The following CCNB2 variants were observed in gnomAD, a reference collection of about 807,000 sequenced individuals.
The protein encoded by CCNB2 is G2/mitotic-specific cyclin-B2.
Under a neutral mutation model 51.1 loss-of-function variants are expected in CCNB2, and 39 were observed. The observed-to-expected ratio is 0.76, with a 90% CI of 0.59 to 1.00. The LOEUF (loss-of-function observed/expected upper bound fraction) is 1.00, where lower values mean the gene tolerates loss of function less well. Ranked by LOEUF, CCNB2 falls within the 50% of genes least tolerant of loss-of-function variation. The pLI is 0.00. For missense variants in CCNB2, 472 were observed against 470.3 expected (o/e 1.00, Z -0.03); for synonymous variants, 174 against 165.5 (o/e 1.05, Z -0.40).
At chr15:59,110,389 C>A (rs28383515) in intron 3 of CCNB2, among the ~76,000 whole-genome samples, 1,636 of 152,316 alleles carry the variant, frequency 0.011, 25 homozygotes, top group Middle Eastern at 0.044. Context: ...AAATACATTT[C>A]CCTCTGAGAA....
chr15:59,114,053 A>G (rs1398002058), intron 3 of CCNB2, among the ~76,000 whole-genome samples: 1 of 152,202 alleles, frequency 6.6e-6, no homozygotes, highest in East Asian at 1.9e-4. Context: ...TGTAACATTT[A>G]AGTAAAACTT....
intron 7 of CCNB2, among the ~76,000 whole-genome samples, chr15:59,119,233 G>T (rs1366890174): frequency 6.6e-6 from 1 of 152,126 alleles, no homozygotes; most frequent in Non-Finnish European, 1.5e-5. Context: ...ACAGAGGAAA[G>T]AATTAATTTA....
rs769398076 is a variant in CCNB2 at position 59,124,757 on chromosome 15, A to C, written c.1087-10A>C. The C allele has an allele frequency of 1.3e-6, 2 of 1,598,940 alleles. No homozygotes were observed. The highest frequency in any genetic ancestry group is 1.7e-6 in the Non-Finnish European group (2 of 1,166,240). On this transcript the variant is annotated splice_polypyrimidine_tract_variant and intron_variant, in intron 8 of 8. Coordinates refer to ENST00000288207, the MANE Select transcript of CCNB2 (RefSeq NM_004701.4). ...CCTGACATGTGCTTAATCACAAATG[A>C]CTTCTGCAGGCCATCAAGAATAAGT...
intron 2 of CCNB2, 46 bp from the exon 3 acceptor site, chr15:59,107,511 A>C: frequency 1.2e-6 from 2 of 1,613,642 alleles, no homozygotes; most frequent in Non-Finnish European, 1.7e-6. Context: ...GCTGAGTCCC[A>C]CAACGCTGGC....
chr15:59,112,812 A>T (rs549641931), intron 3 of CCNB2, among the ~76,000 whole-genome samples: 66 of 151,776 alleles, frequency 4.3e-4, no homozygotes, highest in African/African-American at 1.5e-3. Flanking sequence ...AGGTGGGCGG[A>T]TCACAAGGTC....
chr15:59,121,405 C>T (rs1227284993), intron 7 of CCNB2: 1 of 152,192 alleles, frequency 6.6e-6, no homozygotes, highest in Non-Finnish European at 1.5e-5. Context: ...GTGCTTCGCT[C>T]TCCCAGTTTT....
At chr15:59,116,284 G>A (rs763645109) in intron 5 of CCNB2, among the ~76,000 whole-genome samples, 2 of 152,106 alleles carry the variant, frequency 1.3e-5, no homozygotes, top group Non-Finnish European at 2.9e-5. Flanking sequence ...TGTCAGGCCA[G>A]GGCTGCCACA....
In CCNB2 at chr15:59,114,492, T is replaced by A; in HGVS notation, c.316T>A (p.Cys106Ser). The A allele has an allele frequency of 1.2e-6, 2 of 1,613,334 alleles. No individual in the cohort carries two copies. Among genetic ancestry groups the A allele is most frequent in the Non-Finnish European group, 1.7e-6 (2 of 1,179,708 alleles). The part of the protein sequence containing the change: ...EDVSMKEENL[C>S]QAFSDALLCK... ...TGTCTCCATGAAGGAAGAGAATCTC[T>A]GCCAAGCTTTTTCTGATGCCTTGCT... The change falls in exon 4 of 9, where the codon TGC becomes AGC. Residue 106 changes from cysteine (C) to serine (S), a missense_variant. Physicochemically the swap from Cys to Ser is moderately radical, Grantham distance 112. Transcript: ENST00000288207.
chr15:59,114,533 C>T lies in CCNB2; in HGVS notation c.357C>T (p.Asp119=). ...ATGCCTTGCTCTGCAAAATCGAGGACATTGATAACGAAGATTGGGAGAACC... is the reference window on the plus strand; with the variant it reads ...ATGCCTTGCTCTGCAAAATCGAGGATATTGATAACGAAGATTGGGAGAACC... ...FSDALLCKIE[D]IDNEDWENPQ... is the part of the protein sequence containing the mutation. Residue 119 remains aspartate, a synonymous_variant, in exon 4 of 9, where the codon GAC becomes GAT. Coordinates refer to ENST00000288207, the MANE Select transcript of CCNB2 (RefSeq NM_004701.4). 1 of 1,613,824 alleles carries T rather than the reference C, an allele frequency of 6.2e-7. No homozygotes were observed. Among genetic ancestry groups the T allele is most frequent in the Non-Finnish European group, 8.5e-7 (1 of 1,179,860 alleles).
At chr15:59,112,376 G>C (rs1219958849) in intron 3 of CCNB2, among the ~76,000 whole-genome samples, 1 of 150,098 alleles carries the variant, frequency 6.7e-6, no homozygotes, top group Non-Finnish European at 1.5e-5. Context: ...ACAGAGTCTC[G>C]CTCTGTCACC....
In CCNB2 at chr15:59,116,819, A is replaced by T; in HGVS notation, c.727A>T (p.Ser243Cys). 1 of 1,614,194 alleles carries T rather than the reference A, an allele frequency of 6.2e-7. No individual in the cohort carries two copies. The highest frequency in any genetic ancestry group is 8.5e-7 in the Non-Finnish European group (1 of 1,179,990). Residue 243 changes from serine to cysteine, a missense_variant, in exon 6 of 9, where the codon AGT (serine) becomes TGT (cysteine). By Grantham distance (112) the Ser-to-Cys change is moderately radical. Transcript: ENST00000288207. ...TTACATCACAGACAATGCTTATACC[A>T]GTTCCCAAATCCGAGAAATGGAAAC... Reference protein sequence around the residue: ...FVYITDNAYTSSQIREMETLI... With the variant: ...FVYITDNAYTCSQIREMETLI...
chr15:59,105,181 C>T lies in CCNB2; in HGVS notation c.-88C>T, dbSNP rs555085439. 3.3e-4 allele frequency: 429 copies of T among 1,313,676 alleles called. 2 individuals are homozygous for T. In the South Asian group the frequency reaches 4.4e-3, roughly 14 times the overall value. The allele number at this position is 1,313,676 out of a possible 1,614,324, so 81.4% of individuals were successfully genotyped here. On this transcript the variant is annotated 5_prime_UTR_variant, in exon 1 of 9. Coordinates refer to ENST00000288207, the MANE Select transcript of CCNB2 (RefSeq NM_004701.4). Reference sequence around the variant, plus strand: ...AGCGCTGCGGGCTCGGAGAGCAGTCCTAACGGCGCCTCGTACGCTAGTGTC... The same window carrying T: ...AGCGCTGCGGGCTCGGAGAGCAGTCTTAACGGCGCCTCGTACGCTAGTGTC...
chr15:59,112,805 T>C (rs553045049), intron 3 of CCNB2, among the ~76,000 whole-genome samples: 13 of 151,602 alleles, frequency 8.6e-5, no homozygotes, highest in East Asian at 5.9e-4. Flanking sequence ...GAGGCCGAGG[T>C]GGGCGGATCA....
intron 7 of CCNB2, among the ~76,000 whole-genome samples, chr15:59,120,054 G>A (rs1283681809): frequency 2.6e-5 from 4 of 152,180 alleles, no homozygotes; most frequent in African/African-American, 9.6e-5. Context: ...TAGTCCTCAC[G>A]TAGGAAATAG....
Position 59,116,885 on chromosome 15 carries a change from T to C in CCNB2, c.793T>C (p.Leu265=). The C allele has an allele frequency of 6.2e-7, 1 of 1,614,216 alleles. No individual in the cohort carries two copies. The change falls in exon 6 of 9, where the codon TTG becomes CTG. Residue 265 remains leucine (L), a synonymous_variant. Transcript: ENST00000288207. ...ATTGAAATTTGAGTTGGGTCGACCC[T>C]TGCCACTACACTTCTTAAGGCGAGC... ...KELKFELGRP[L]PLHFLRRASK...
intron 7 of CCNB2, among the ~76,000 whole-genome samples, chr15:59,122,476 C>T (rs1164038733): frequency 4.6e-5 from 7 of 151,134 alleles, no homozygotes; most frequent in East Asian, 1.9e-4. Context: ...CCGCCCACCT[C>T]GGCCTCCCAA....
At position 59,116,789 on chromosome 15, in the gene CCNB2, T is replaced by G; in HGVS notation, c.697T>G (p.Phe233Val). ...EEMFSPNIED[F>V]VYITDNAYTS... ...GATGTTTTCTCCAAATATTGAAGAC[T>G]TTGTTTACATCACAGACAATGCTTA... The change falls in exon 6 of 9, where the codon TTT becomes GTT. Residue 233 changes from phenylalanine (F) to valine (V), a missense_variant. Physicochemically the swap from Phe to Val is conservative, Grantham distance 50. Coordinates refer to ENST00000288207, the MANE Select transcript of CCNB2 (RefSeq NM_004701.4). The G allele has an allele frequency of 6.2e-7, 1 of 1,614,092 alleles. No individual in the cohort carries two copies. The highest frequency in any genetic ancestry group is 8.5e-7 in the Non-Finnish European group (1 of 1,179,918).
chr15:59,107,215 C>A (rs545824813), intron 1 of CCNB2, 107 bp from the exon 2 acceptor site: 3 of 987,064 alleles, frequency 3.0e-6, no homozygotes, highest in Non-Finnish European at 4.4e-6. Flanking sequence ...GCAAATAGAT[C>A]TTGACGTATT....
rs758420783 is a variant in CCNB2 at position 59,114,758 on chromosome 15, A to G, written c.479A>G (p.Asp160Gly). ...AACCCACATTTCTTAGATGGAAGAGATATAAATGGACGCATGCGTGCCATC... is the reference window on the plus strand; with the variant it reads ...AACCCACATTTCTTAGATGGAAGAGGTATAAATGGACGCATGCGTGCCATC... ...SINPHFLDGRDINGRMRAILV... is the reference protein window; with the variant it reads ...SINPHFLDGRGINGRMRAILV... Residue 160 changes from aspartate to glycine, a missense_variant, in exon 5 of 9, where the codon GAT becomes GGT. By Grantham distance (94) the Asp-to-Gly change is moderately conservative (BLOSUM62 -1). Transcript: ENST00000288207. 2 of 1,614,090 alleles carry G rather than the reference A, an allele frequency of 1.2e-6. No homozygotes were observed. The highest frequency in any genetic ancestry group is 1.7e-6 in the Non-Finnish European group (2 of 1,179,946).
Sources: gnomAD v4.1 joint callset for allele counts (sites outside exome capture counted in the v4.1 genomes callset) on GRCh38, gnomAD v4.1.1 for gene constraint, MANE v1.5 for transcripts, NCBI Gene and HGNC (gene_info 2026-07-23, HGNC 2026-07-21) for gene names.